The following ACTRT1 variants were observed in gnomAD, a reference collection of about 807,000 sequenced individuals.
The protein encoded by ACTRT1 is actin related protein T1.
A neutral mutation model predicts 1.4 loss-of-function variants in ACTRT1; 1 was observed. The observed-to-expected ratio is 0.69, with a 90% CI of 0.25 to 3.28. The LOEUF is 3.28. Ranked by LOEUF, ACTRT1 falls within the 30% of genes most tolerant of loss-of-function variation. The probability of loss-of-function intolerance (pLI) is 0.20; values close to 1 mark genes in which losing one functional copy is unlikely to be tolerated. For missense variants in ACTRT1, 334 were observed against 291.5 expected (o/e 1.15, Z -1.06); for synonymous variants, 121 against 115.2 (o/e 1.05, Z -0.32).
At position 128,051,280 on chromosome X, in the gene ACTRT1, C is replaced by G; in HGVS notation, c.927G>C (p.Gly309=). 3.3e-6 allele frequency: 4 copies of G among 1,210,514 alleles called. 1 individual carries two copies. The highest frequency in any genetic ancestry group is 3.5e-5 in the South Asian group (2 of 56,860). Residue 309 remains glycine (G), a synonymous_variant, in exon 1 of 1, where the codon GGG becomes GGC. Transcript: ENST00000371124. ...CTTCCTTCATGAGCCTTTCCTCCAG[C>G]CCAGGGAGGAGAGTGGTGCCCCCGG... ...VLSGGTTLLP[G]LEERLMKEVE... is the part of the protein sequence containing the mutation.
At position 128,052,063 on chromosome X, in the gene ACTRT1, T is replaced by C; in HGVS notation, c.144A>G (p.Leu48=). 1 of 1,211,787 alleles carries C rather than the reference T, an allele frequency of 8.3e-7. No homozygotes were observed. Among genetic ancestry groups the C allele is most frequent in the Non-Finnish European group, 1.1e-6 (1 of 895,577 alleles). ...CGAAGTACTTCTGATTAAGTCTTGC[T>C]AAAGGCACATTGAATTTACAATGTC... ...VLGHCKFNVP[L]ARLNQKYFVG... The change falls in exon 1 of 1, where the codon TTA becomes TTG. Residue 48 remains leucine, a synonymous_variant. Transcript: ENST00000371124.
Position 128,051,954 on chromosome X carries a change from T to C in ACTRT1, c.253A>G (p.Met85Val), listed in dbSNP as rs749039401. 1.3e-4 allele frequency: 159 copies of C among 1,210,390 alleles called. No homozygotes were observed. In the South Asian group the frequency reaches 2.4e-3, roughly 18 times the overall value. The change falls in exon 1 of 1, where the codon ATG becomes GTG. Residue 85 changes from methionine (M) to valine (V), a missense_variant. By Grantham distance (21) the Met-to-Val change is conservative. Coordinates refer to ENST00000371124, the MANE Select transcript of ACTRT1 (RefSeq NM_138289.4). ...ERGLVTGWDD[M>V]EKLWKHLFER... Reference sequence around the variant, plus strand: ...AAGAGATGTTTCCAGAGTTTCTCCATGTCATCCCATCCTGTTACCAGTCCA... The same window carrying C: ...AAGAGATGTTTCCAGAGTTTCTCCACGTCATCCCATCCTGTTACCAGTCCA...
Position 128,052,184 on chromosome X carries a change from T to A in ACTRT1, c.23A>T (p.Asp8Val). 1 of 1,201,048 alleles carries A rather than the reference T, an allele frequency of 8.3e-7. No individual in the cohort carries two copies. Among genetic ancestry groups the A allele is most frequent in the South Asian group, 1.8e-5 (1 of 55,357 alleles). ...ATTGTCAAAAATTACAGCAGGAACATCTAATGCATGTGGATTAAACATGTC... is the reference window on the plus strand; with the variant it reads ...ATTGTCAAAAATTACAGCAGGAACAACTAATGCATGTGGATTAAACATGTC... The part of the protein sequence containing the change: MFNPHAL[D>V]VPAVIFDNGS... The change falls in exon 1 of 1, where the codon GAT becomes GTT. Residue 8 changes from aspartate to valine, a missense_variant. By Grantham distance (152) the Asp-to-Val change is radical. Coordinates refer to ENST00000371124, the MANE Select transcript of ACTRT1 (RefSeq NM_138289.4).
rs367847967 is a variant in ACTRT1 at position 128,051,626 on chromosome X, C to A, written c.581G>T (p.Arg194Leu). Residue 194 changes from arginine to leucine, a missense_variant, in exon 1 of 1, where the codon CGG (arginine) becomes CTG (leucine). Coordinates refer to ENST00000371124, the MANE Select transcript of ACTRT1 (RefSeq NM_138289.4). ...AGRDITEHLT[R>L]LLFASGFNFP... is the part of the protein sequence containing the mutation. ...GTTAAACCCGCTAGCAAAGAGGAGC[C>A]GGGTGAGGTGCTCTGTGATGTCCCT... 1.7e-4 allele frequency: 210 copies of A among 1,208,763 alleles called. No individual in the cohort carries two copies. The highest frequency in any genetic ancestry group is 2.2e-4 in the Non-Finnish European group (194 of 894,938).
Position 128,050,993 on chromosome X carries a change from G to C in ACTRT1, c.*83C>G, listed in dbSNP as rs1053677356. 469 of 1,069,169 alleles carry C rather than the reference G, an allele frequency of 4.4e-4. No individual in the cohort carries two copies. Among genetic ancestry groups the C allele is most frequent in the Non-Finnish European group, 5.6e-4 (447 of 796,079 alleles). 88.1% of individuals were successfully genotyped at this position (1,069,169 alleles called of 1,213,427 possible). ...TGGCAAAACTTTTATTGAACATCAT[G>C]CTGAAGCCCAGAAGAAAATGCCATC... On this transcript the variant is annotated 3_prime_UTR_variant, in exon 1 of 1. Transcript: ENST00000371124.
Position 128,052,397 on chromosome X carries a change from C to G in ACTRT1, c.-191G>C. 4.8e-6 allele frequency: 2 copies of G among 417,098 alleles called. No homozygotes were observed. The highest frequency in any genetic ancestry group is 4.1e-6 in the Non-Finnish European group (1 of 242,642). 34.4% of individuals were successfully genotyped at this position (417,098 alleles called of 1,213,427 possible). A position where few individuals can be genotyped will look rare whatever the true frequency, so the allele number is the denominator to read the frequency against. On this transcript the variant is annotated 5_prime_UTR_variant, in exon 1 of 1. Transcript: ENST00000371124. Reference sequence around the variant, plus strand: ...CATCCTCAACCTCTGAATCTTATCTCCATTCTGTAGGCTCAGGGCCTGCTG... The same window carrying G: ...CATCCTCAACCTCTGAATCTTATCTGCATTCTGTAGGCTCAGGGCCTGCTG...
rs765683091 is a variant in ACTRT1, at chrX:128,052,216, A to T, written c.-10T>A. The T allele has an allele frequency of 6.8e-6, 8 of 1,169,886 alleles. No homozygotes were observed. In the South Asian group the frequency reaches 1.6e-4, roughly 23 times the overall value. ...CATGTGGATTAAACATGTCTGTAAT[A>T]TGTTCTCCTGGACTTCCCCCAAATA... On this transcript the variant is annotated 5_prime_UTR_variant, in exon 1 of 1. Coordinates refer to ENST00000371124, the MANE Select transcript of ACTRT1 (RefSeq NM_138289.4).
Position 128,051,808 on chromosome X carries a change from A to G in ACTRT1, c.399T>C (p.Pro133=), listed in dbSNP as rs1927773378. The G allele has an allele frequency of 5.0e-6, 6 of 1,209,690 alleles. No homozygotes were observed. The highest frequency in any genetic ancestry group is 6.7e-6 in the Non-Finnish European group (6 of 895,151). Residue 133 remains proline (P), a synonymous_variant, in exon 1 of 1, where the codon CCT becomes CCC. Transcript: ENST00000371124. ...CCGCATGATTAGACAGGTAGAAACCAGGCACACTGAAGGTCTCAAACATCA... is the reference window on the plus strand; with the variant it reads ...CCGCATGATTAGACAGGTAGAAACCGGGCACACTGAAGGTCTCAAACATCA... The part of the protein sequence containing the change: ...AEMMFETFSV[P]GFYLSNHAVA...
Position 128,051,055 on chromosome X carries a change from G to A in ACTRT1, c.*21C>T, listed in dbSNP as rs1270137020. 1 of 1,191,048 alleles carries A rather than the reference G, an allele frequency of 8.4e-7. No homozygotes were observed. The highest frequency in any genetic ancestry group is 1.1e-6 in the Non-Finnish European group (1 of 883,366). ...CTCCTGTAATCTGACACTTCAAGAT[G>A]TCTCCTCTGCTCAAGGATCTTTAAA... On this transcript the variant is annotated 3_prime_UTR_variant, in exon 1 of 1. Transcript: ENST00000371124.
Position 128,051,624 on chromosome X carries a change from G to A in ACTRT1, c.583C>T (p.Leu195Phe). The stretch of plus-strand genomic sequence containing the variant: ...AAGTTAAACCCGCTAGCAAAGAGGA[G>A]CCGGGTGAGGTGCTCTGTGATGTCC... ...GRDITEHLTR[L>F]LFASGFNFPC... The change falls in exon 1 of 1, where the codon CTC (leucine) becomes TTC (phenylalanine). Residue 195 changes from leucine to phenylalanine, a missense_variant. Coordinates refer to ENST00000371124, the MANE Select transcript of ACTRT1 (RefSeq NM_138289.4). 8.3e-7 allele frequency: 1 copy of A among 1,211,089 alleles called. No homozygotes were observed. The highest frequency in any genetic ancestry group is 3.0e-5 in the East Asian group (1 of 33,702).
In ACTRT1 at chrX:128,051,403, C is replaced by T. The variant is rs1927762472; in HGVS notation, c.804G>A (p.Leu268=). 1.7e-6 allele frequency: 2 copies of T among 1,210,524 alleles called. No homozygotes were observed. The highest frequency in any genetic ancestry group is 2.2e-6 in the Non-Finnish European group (2 of 895,269). Residue 268 remains leucine, a synonymous_variant, in exon 1 of 1, where the codon CTG becomes CTA. Transcript: ENST00000371124. ...TTGAGAGTCCTGGGCTGTGGATGCC[C>T]AGCTGGTCAGGTGCAAAAAGAACCT... ...VPEVLFAPDQ[L]GIHSPGLSKM...
Position 128,051,785 on chromosome X carries a change from G to A in ACTRT1, c.422C>T (p.Ala141Val), listed in dbSNP as rs866190279. 36 of 1,208,915 alleles carry A rather than the reference G, an allele frequency of 3.0e-5. No homozygotes were observed. Among genetic ancestry groups the A allele is most frequent in the African/African-American group, 1.2e-4 (7 of 56,957 alleles). The change falls in exon 1 of 1, where the codon GCG becomes GTG. Residue 141 changes from alanine (A) to valine (V), a missense_variant. Physicochemically the swap from Ala to Val is moderately conservative, Grantham distance 64. Transcript: ENST00000371124. ...SVPGFYLSNH[A>V]VAALYASACV... is the part of the protein sequence containing the mutation. ...GGCAGAGGCATAGAGCGCTGCCACC[G>A]CATGATTAGACAGGTAGAAACCAGG...
Position 128,051,608 on chromosome X carries a change from C to A in ACTRT1, c.599G>T (p.Gly200Val). The stretch of plus-strand genomic sequence containing the variant: ...GTTGAGTATGCAAGGGAAGTTAAAC[C>A]CGCTAGCAAAGAGGAGCCGGGTGAG... ...EHLTRLLFASGFNFPCILNKA... is the reference protein window; with the variant it reads ...EHLTRLLFASVFNFPCILNKA... The change falls in exon 1 of 1, where the codon GGG becomes GTG. Residue 200 changes from glycine to valine, a missense_variant. Transcript: ENST00000371124. 8.3e-6 allele frequency: 10 copies of A among 1,211,144 alleles called. No individual in the cohort carries two copies. The highest frequency in any genetic ancestry group is 1.1e-5 in the Non-Finnish European group (10 of 895,375).
rs146482240 is a variant in ACTRT1, at chrX:128,051,879, C to T, written c.328G>A (p.Glu110Lys). 29 of 1,209,754 alleles carry T rather than the reference C, an allele frequency of 2.4e-5. No individual in the cohort carries two copies. Among genetic ancestry groups the T allele is most frequent in the South Asian group, 5.3e-5 (3 of 56,799 alleles). Residue 110 changes from glutamate to lysine, a missense_variant, in exon 1 of 1, where the codon GAG (glutamate) becomes AAG (lysine). Physicochemically the swap from Glu to Lys is moderately conservative, Grantham distance 56. Coordinates refer to ENST00000371124, the MANE Select transcript of ACTRT1 (RefSeq NM_138289.4). The stretch of plus-strand genomic sequence containing the variant: ...ATTTCCCTAGGATTCAAAGAGGGCT[C>T]GGTCATAAGTACAGGCTGTTGGCTG... ...KPSQQPVLMT[E>K]PSLNPREIRE...
At position 128,052,115 on chromosome X, in the gene ACTRT1, G is replaced by T. The variant is rs1233235738; in HGVS notation, c.92C>A (p.Pro31His). 1.7e-6 allele frequency: 2 copies of T among 1,209,730 alleles called. No individual in the cohort carries two copies. The highest frequency in any genetic ancestry group is 2.2e-6 in the Non-Finnish European group (2 of 895,115). ...CAAGACGGAGCTGATGACATGGCGG[G>T]GTCCAATCTCTCCAGACAGGCCTGC... ...CKAGLSGEIG[P>H]RHVISSVLGH... Residue 31 changes from proline to histidine, a missense_variant, in exon 1 of 1, where the codon CCC (proline) becomes CAC (histidine). Physicochemically the swap from Pro to His is moderately conservative, Grantham distance 77. Coordinates refer to ENST00000371124, the MANE Select transcript of ACTRT1 (RefSeq NM_138289.4).
chrX:128,052,333 G>T lies in ACTRT1; in HGVS notation c.-127C>A. 1.4e-6 allele frequency: 1 copy of T among 701,532 alleles called. No homozygotes were observed. The highest frequency in any genetic ancestry group is 2.1e-6 in the Non-Finnish European group (1 of 481,021). 57.8% of individuals were successfully genotyped at this position (701,532 alleles called of 1,213,427 possible). A position where few individuals can be genotyped will look rare whatever the true frequency, so the allele number is the denominator to read the frequency against. Reference sequence around the variant, plus strand: ...TCTGAAGTTTCAAGTTGTCACCCATGTACAGCTAGTAGGCTACCTTCAGTC... The same window carrying T: ...TCTGAAGTTTCAAGTTGTCACCCATTTACAGCTAGTAGGCTACCTTCAGTC... On this transcript the variant is annotated 5_prime_UTR_variant, in exon 1 of 1. Transcript: ENST00000371124.
Position 128,052,162 on chromosome X carries a change from G to A in ACTRT1, c.45C>T (p.Asp15=), listed in dbSNP as rs773579218. Residue 15 remains aspartate (D), a synonymous_variant, in exon 1 of 1, where the codon GAC becomes GAT. Coordinates refer to ENST00000371124, the MANE Select transcript of ACTRT1 (RefSeq NM_138289.4). ...HALDVPAVIF[D]NGSGLCKAGL... Reference sequence around the variant, plus strand: ...CTGCTTTGCAGAGTCCTGAACCATTGTCAAAAATTACAGCAGGAACATCTA... The same window carrying A: ...CTGCTTTGCAGAGTCCTGAACCATTATCAAAAATTACAGCAGGAACATCTA... The A allele has an allele frequency of 8.3e-6, 10 of 1,205,599 alleles. No individual in the cohort carries two copies. In the South Asian group the frequency reaches 1.6e-4, roughly 19 times the overall value.
In ACTRT1 at chrX:128,052,217, T is replaced by C; in HGVS notation, c.-11A>G. The stretch of plus-strand genomic sequence containing the variant: ...ATGTGGATTAAACATGTCTGTAATA[T>C]GTTCTCCTGGACTTCCCCCAAATAA... On this transcript the variant is annotated 5_prime_UTR_variant, in exon 1 of 1. Transcript: ENST00000371124. The C allele has an allele frequency of 1.7e-6, 2 of 1,170,830 alleles. No homozygotes were observed. The highest frequency in any genetic ancestry group is 2.3e-6 in the Non-Finnish European group (2 of 874,699).
In ACTRT1 at chrX:128,051,032, C is replaced by T. The variant is rs1927748250; in HGVS notation, c.*44G>A. On this transcript the variant is annotated 3_prime_UTR_variant, in exon 1 of 1. Transcript: ENST00000371124. The stretch of plus-strand genomic sequence containing the variant: ...GAAAATGCCATCTCCCACTGGTACT[C>T]CTGTAATCTGACACTTCAAGATGTC... 2.6e-6 allele frequency: 3 copies of T among 1,169,719 alleles called. No homozygotes were observed. The highest frequency in any genetic ancestry group is 3.5e-6 in the Non-Finnish European group (3 of 869,373).
Sources: gnomAD v4.1 joint callset for allele counts on GRCh38, gnomAD v4.1.1 for gene constraint, MANE v1.5 for transcripts, NCBI Gene and HGNC (gene_info 2026-07-23, HGNC 2026-07-21) for gene names.